The following SPATA31F1 variants were observed in gnomAD, a reference collection of about 807,000 sequenced individuals.
The protein encoded by SPATA31F1 is SPATA31 subfamily F member 1.
the SPATA31F1 span, chr9:34,723,986 G>C: frequency 6.4e-7 from 1 of 1,550,434 alleles, no homozygotes; most frequent in Non-Finnish European, 8.7e-7. Flanking sequence ...AAGCATCCCT[G>C]CTGGCCTCTG....
the SPATA31F1 span, chr9:34,726,857 G>C: frequency 6.4e-7 from 1 of 1,551,808 alleles, no homozygotes; most frequent in South Asian, 1.2e-5. Flanking sequence ...CCCCGATAAA[G>C]TCAGGGAGAT....
At chr9:34,727,866 T>C in the SPATA31F1 span, among the ~76,000 whole-genome samples, 1 of 152,168 alleles carries the variant, frequency 6.6e-6, no homozygotes. Context: ...TGAACCCCAC[T>C]CTTCCCTGGC....
the SPATA31F1 span, chr9:34,725,723 C>A: frequency 7.1e-6 from 11 of 1,546,260 alleles, no homozygotes; most frequent in Admixed American, 2.2e-4. Flanking sequence ...GATCTGAGCT[C>A]GTTGATGGTC....
At chr9:34,729,139 T>C in the SPATA31F1 span, 6 of 1,011,774 alleles carry the variant, frequency 5.9e-6, no homozygotes, top group Non-Finnish European at 7.0e-6. Flanking sequence ...TAAGGAATTA[T>C]AGTCTCTGAG....
the SPATA31F1 span, chr9:34,728,223 A>G: frequency 5.8e-6 from 4 of 693,010 alleles, no homozygotes; most frequent in Admixed American, 1.2e-4. Context: ...ATGTCTGAGT[A>G]CAGCATCGCT....
At chr9:34,723,153 A>T in the SPATA31F1 span, 3 of 1,461,572 alleles carry the variant, frequency 2.1e-6, no homozygotes, top group African/African-American at 2.8e-5. Flanking sequence ...GCAGTTGGGG[A>T]GCCTATAAAC....
At chr9:34,729,450 G>A in the SPATA31F1 span, 235 of 1,540,278 alleles carry the variant, frequency 1.5e-4, no homozygotes, top group African/African-American at 2.6e-3. Flanking sequence ...ATTAGCATGA[G>A]ATCAACCATC....
chr9:34,728,942 A>G, the SPATA31F1 span, among the ~76,000 whole-genome samples: 143,812 of 152,206 alleles, frequency 0.94, 68,498 homozygotes, highest in East Asian at 1. Context: ...CAGAACAGAC[A>G]AAAGGGTAAA....
the SPATA31F1 span, chr9:34,723,211 A>T: frequency 1.3e-6 from 2 of 1,546,888 alleles, no homozygotes; most frequent in Non-Finnish European, 1.7e-6. Context: ...CAATGTTTCT[A>T]TCTGAGGTGA....
the SPATA31F1 span, chr9:34,727,076 C>G: frequency 6.8e-7 from 1 of 1,474,492 alleles, no homozygotes; most frequent in Non-Finnish European, 9.0e-7. Flanking sequence ...TCTCCTTTCC[C>G]AGTCCTGAAA....
chr9:34,726,807 A>T, the SPATA31F1 span: 1 of 1,551,744 alleles, frequency 6.4e-7, no homozygotes, highest in Non-Finnish European at 8.7e-7. Flanking sequence ...GACATACTAG[A>T]CGTAGACAGC....
At chr9:34,723,174 G>A in the SPATA31F1 span, 1 of 1,491,146 alleles carries the variant, frequency 6.7e-7, no homozygotes, top group Non-Finnish European at 8.9e-7. Flanking sequence ...TCTTTTTCAT[G>A]GCTCTGCATG....
chr9:34,729,216 G>A, the SPATA31F1 span: 1 of 1,485,690 alleles, frequency 6.7e-7, no homozygotes, highest in Non-Finnish European at 9.0e-7. Flanking sequence ...GATTATAAGG[G>A]AGCACGGTAA....
the SPATA31F1 span, chr9:34,725,097 A>G: frequency 1.3e-6 from 2 of 1,551,492 alleles, no homozygotes; most frequent in South Asian, 2.4e-5. Flanking sequence ...TCTGGAATGC[A>G]GGGAAAAGGA....
chr9:34,725,847 A>AG, the SPATA31F1 span: 1 of 1,551,670 alleles, frequency 6.4e-7, no homozygotes, highest in East Asian at 2.4e-5. Flanking sequence ...GGATCCTTCA[A>AG]GGGGGGCTTG....
At chr9:34,724,423 T>C in the SPATA31F1 span, 4 of 1,551,102 alleles carry the variant, frequency 2.6e-6, no homozygotes, top group Non-Finnish European at 3.5e-6. Flanking sequence ...CCTGGAGCAA[T>C]GTCTCCCCTT....
chr9:34,728,173 A>C, the SPATA31F1 span: 1 of 1,175,432 alleles, frequency 8.5e-7, no homozygotes. Flanking sequence ...GACTCTCATC[A>C]AGAAAAGACT....
chr9:34,726,469 C>T, the SPATA31F1 span: 1 of 1,551,534 alleles, frequency 6.4e-7, no homozygotes, highest in South Asian at 1.2e-5. Flanking sequence ...GCAAGGAGAC[C>T]TGGGAATTCA....
the SPATA31F1 span, chr9:34,724,918 C>G: frequency 7.7e-6 from 12 of 1,550,970 alleles, no homozygotes; most frequent in Non-Finnish European, 9.6e-6. Context: ...GTAAAGTTGT[C>G]TCCAGTTTCT....
Sources: allele counts gnomAD v4.1 joint callset (sites outside exome capture counted in the v4.1 genomes callset), GRCh38; gene constraint gnomAD v4.1.1; transcripts MANE v1.5; gene names NCBI Gene and HGNC (gene_info 2026-07-23, HGNC 2026-07-21).